Variants in MED12L observed in about 807,000 individuals in gnomAD.
The protein encoded by MED12L is mediator complex subunit 12L, also known as mediator of RNA polymerase II transcription subunit 12-like protein.
A neutral mutation model predicts 281.3 loss-of-function variants in MED12L; 60 were observed. The ratio of observed to expected loss-of-function variants is 0.21; its 90% confidence interval spans 0.17 to 0.26. The LOEUF is 0.26. Among genes scored for constraint, MED12L ranks in the 10% least tolerant of loss-of-function variants. The pLI, the probability that MED12L is intolerant of heterozygous loss-of-function variation, is 1.00. For synonymous variants in MED12L, 974 were observed against 987.2 expected, an observed-to-expected ratio of 0.99 and a Z score of 0.25; for missense variants, 2,146 against 2,680.9, an observed-to-expected ratio of 0.80 and a Z score of 4.41.
chr3:151,388,121 A>C lies in MED12L; in HGVS notation c.5400A>C (p.Glu1800Asp). The change falls in exon 37 of 45, where the codon GAA becomes GAC. Residue 1800 changes from glutamate to aspartate, a missense_variant. Around this residue, in one of 9 missense-constraint regions of MED12L, gnomAD observed 496 missense variants for 512.0 expected, o/e 0.97. Transcript: ENST00000687756. ...SDQGKTTTDE[E>D]KKTKGRKRKT... The stretch of plus-strand genomic sequence containing the variant: ...AGGGAAAAACCACAACAGATGAAGA[A>C]AAGAAAACAAAAGGAAGGAAGCGCA... 6.2e-7 allele frequency: 1 copy of C among 1,610,888 alleles called. No individual in the cohort carries two copies. Among genetic ancestry groups the C allele is most frequent in the Non-Finnish European group, 8.5e-7 (1 of 1,179,620 alleles).
chr3:151,184,473 C>T (rs1723041140), intron 11 of MED12L, among the ~76,000 whole-genome samples: 1 of 152,114 alleles, frequency 6.6e-6, no homozygotes, highest in African/African-American at 2.4e-5. Context: ...ATGTTTATCC[C>T]CATGGGGACA....
Position 151,219,408 on chromosome 3 carries a change from TAG to T in MED12L, c.2250+25744_2250+25745del, listed in dbSNP as rs796930770. 9 of 152,320 alleles carry T rather than the reference TAG, an allele frequency of 5.9e-5. No individual in the cohort carries two copies. The South Asian group carries it at 1.0e-3, about 18-fold the overall frequency. The allele number at this position is 152,320 out of a possible 1,614,324, so 9.4% of individuals were successfully genotyped here. The stretch of plus-strand genomic sequence containing the variant: ...ACCATGACCTATTTTCCTCTTGTAT[TAG>T]AACACCTTCCACCTTCCTAATTGTG... On this transcript the variant is annotated intron_variant, in intron 16 of 44. Coordinates refer to ENST00000687756, the MANE Select transcript of MED12L (RefSeq NM_001393769.1).
chr3:151,352,994 G>A (rs182480965), intron 17 of MED12L, among the ~76,000 whole-genome samples: 83 of 152,212 alleles, frequency 5.5e-4, no homozygotes, highest in Non-Finnish European at 7.6e-4. Context: ...AAAGTATTTC[G>A]TTGAGAATCA....
rs1019883554 is a variant in MED12L at position 151,185,521 on chromosome 3, A to G, written c.1626+60A>G. 3.4e-5 allele frequency: 54 copies of G among 1,578,906 alleles called. No individual in the cohort carries two copies. The East Asian group carries it at 1.0e-3, about 30-fold the overall frequency. On this transcript the variant is annotated intron_variant, in intron 12 of 44. Coordinates refer to ENST00000687756, the MANE Select transcript of MED12L (RefSeq NM_001393769.1). ...GTAATGTAAAAATACTGTTTTGGGGAAGATCATTTTCTCTTACCCTCATTA... is the reference window on the plus strand; with the variant it reads ...GTAATGTAAAAATACTGTTTTGGGGGAGATCATTTTCTCTTACCCTCATTA...
chr3:151,282,915 C>G (rs1294552564), intron 16 of MED12L, among the ~76,000 whole-genome samples: 4 of 152,086 alleles, frequency 2.6e-5, no homozygotes, highest in Non-Finnish European at 5.9e-5. Flanking sequence ...TTCAGTTCTA[C>G]CAGCTTGTTG....
intron 16 of MED12L, among the ~76,000 whole-genome samples, chr3:151,249,997 C>CAT (rs970333270): frequency 1.7e-4 from 26 of 152,142 alleles, no homozygotes; most frequent in African/African-American, 6.0e-4. Flanking sequence ...TTATCATTAT[C>CAT]AAATAAAATA....
At chr3:151,399,028 G>A (rs4680406) in intron 39 of MED12L, among the ~76,000 whole-genome samples, 44,283 of 151,974 alleles carry the variant, frequency 0.29, 7,428 homozygotes, top group Non-Finnish European at 0.38. Context: ...AAGTGAAACC[G>A]CAGAGAAGTG....
At chr3:151,392,467 GAA>G (rs200781609) in intron 38 of MED12L, among the ~76,000 whole-genome samples, 10 of 95,850 alleles carry the variant, frequency 1.0e-4, no homozygotes, top group Middle Eastern at 5.7e-3. Flanking sequence ...TCCATCTCAA[GAA>G]AAAAAAAAAA....
chr3:151,188,514 A>G lies in MED12L; in HGVS notation c.1753+34A>G, dbSNP rs141786766. The G allele has an allele frequency of 1.1e-3, 1,698 of 1,543,902 alleles. 19 individuals carry two copies. In the African/African-American group the frequency reaches 0.021, roughly 19 times the overall value. ...AGAAAACTCTTTGCCTCTAGATCTTAAATAAGGGATTGATTTTTTTTTTCT... is the reference window on the plus strand; with the variant it reads ...AGAAAACTCTTTGCCTCTAGATCTTGAATAAGGGATTGATTTTTTTTTTCT... On this transcript the variant is annotated intron_variant, in intron 13 of 44. Transcript: ENST00000687756.
intron 16 of MED12L, chr3:151,269,664 G>A (rs1740511418): frequency 2.5e-6 from 1 of 406,628 alleles, no homozygotes; most frequent in Admixed American, 2.8e-5. Context: ...ACAGAATTTG[G>A]AGGTATTAAA....
At chr3:151,281,052 T>C (rs1042207094) in intron 16 of MED12L, among the ~76,000 whole-genome samples, 1 of 150,386 alleles carries the variant, frequency 6.6e-6, no homozygotes, top group Non-Finnish European at 1.5e-5. Context: ...GAAAAAATAT[T>C]TTAGCCTGAC....
chr3:151,350,386 C>T (rs1433118621), intron 17 of MED12L, among the ~76,000 whole-genome samples, 180 bp downstream of exon 17: 1 of 151,742 alleles, frequency 6.6e-6, no homozygotes, highest in South Asian at 2.1e-4. Context: ...TTTATAGCAA[C>T]CCTTGTATTA....
intron 40 of MED12L, among the ~76,000 whole-genome samples, chr3:151,410,149 A>AGG (rs1253277128): frequency 1.3e-5 from 2 of 152,202 alleles, no homozygotes; most frequent in African/African-American, 4.8e-5. Context: ...GAAGTGTATG[A>AGG]GGACAACCTA....
chr3:151,161,478 G>A (rs190418873), intron 8 of MED12L, among the ~76,000 whole-genome samples: 17 of 152,268 alleles, frequency 1.1e-4, no homozygotes, highest in African/African-American at 3.9e-4. Flanking sequence ...GGGCAGAGGG[G>A]AAGTCCATGG....
Position 151,355,068 on chromosome 3 carries a change from G to A in MED12L, c.2399-53G>A, listed in dbSNP as rs1753743717. ...TTAAAAAAAAGTATCCATTAAAAAT[G>A]TCGAGAGCTTCTATTAAATGGAAAA... On this transcript the variant is annotated intron_variant, in intron 17 of 44. Transcript: ENST00000687756. The A allele has an allele frequency of 4.5e-6, 6 of 1,321,376 alleles. No individual in the cohort carries two copies. In the East Asian group the frequency reaches 1.2e-4, roughly 25 times the overall value. The allele number at this position is 1,321,376 out of a possible 1,614,324, so 81.9% of individuals were successfully genotyped here.
At chr3:151,394,993 C>G in intron 39 of MED12L, 126 bp downstream of exon 39, 1 of 1,214,738 alleles carries the variant, frequency 8.2e-7, no homozygotes, top group South Asian at 1.5e-5. Context: ...GAGTGCAGGT[C>G]TATCTCTCTG....
At chr3:151,108,706 G>A (rs969101778) in intron 2 of MED12L, among the ~76,000 whole-genome samples, 4 of 152,170 alleles carry the variant, frequency 2.6e-5, no homozygotes, top group Non-Finnish European at 4.4e-5. Context: ...TGGTTTGTTA[G>A]ATGTGACTAG....
intron 3 of MED12L, among the ~76,000 whole-genome samples, chr3:151,121,478 A>G (rs1713748001): frequency 6.6e-6 from 1 of 152,234 alleles, no homozygotes; most frequent in Admixed American, 6.5e-5. Context: ...GTTTCAACCT[A>G]TAGACTAATT....
chr3:151,242,759 G>C (rs890731243), intron 16 of MED12L, among the ~76,000 whole-genome samples: 2 of 152,188 alleles, frequency 1.3e-5, no homozygotes, highest in Non-Finnish European at 2.9e-5. Flanking sequence ...GAACAAAGCT[G>C]GATGGAGAAT....
Sources: allele counts gnomAD v4.1 joint callset (sites outside exome capture counted in the v4.1 genomes callset), GRCh38; gene constraint gnomAD v4.1.1; regional missense constraint gnomAD v4.1.1; transcripts MANE v1.5; gene names NCBI Gene and HGNC (gene_info 2026-07-23, HGNC 2026-07-21).